Variants in SRBD1 observed in about 807,000 individuals in gnomAD.
The protein encoded by SRBD1 is S1 RNA binding domain 1.
SRBD1 carries 88 observed loss-of-function variants against 115.3 expected under a neutral mutation model. That is an observed-to-expected ratio of 0.76 (90% CI 0.64 to 0.91). SRBD1 has a LOEUF of 0.91. Ranked by LOEUF, SRBD1 falls within the 40% of genes least tolerant of loss-of-function variation. The pLI, the probability that SRBD1 is intolerant of heterozygous loss-of-function variation, is 0.00. For synonymous variants in SRBD1, 509 were observed against 407.7 expected (o/e 1.25, Z -2.99); for missense variants, 1,385 against 1,177.4 (o/e 1.18, Z -2.58).
intron 9 of SRBD1, among the ~76,000 whole-genome samples, chr2:45,567,238 T>C (rs969035222): frequency 5.3e-5 from 8 of 152,144 alleles, no homozygotes; most frequent in Non-Finnish European, 1.0e-4. Context: ...AAAAATTATA[T>C]AGGGGACTTT....
Position 45,585,676 on chromosome 2 carries a change from TC to T in SRBD1, c.746del (p.Arg249LysfsTer13). ...CATCAAGGTTATTAATGAGCTCTTT[TC>T]TATAACGTATAATGAAGGGAATTGT... ...DNTIPFIIRY[R>X]KELINNLDAD... is the part of the protein sequence containing the mutation. On this transcript the variant is annotated frameshift_variant, in exon 5 of 21. Coordinates refer to ENST00000263736, the MANE Select transcript of SRBD1 (RefSeq NM_018079.5). LOFTEE classifies it high-confidence loss of function. 6.2e-7 allele frequency: 1 copy of T among 1,612,792 alleles called. No homozygotes were observed. The highest frequency in any genetic ancestry group is 8.5e-7 in the Non-Finnish European group (1 of 1,179,674).
At chr2:45,467,695 T>A (rs1261774307) in intron 16 of SRBD1, among the ~76,000 whole-genome samples, 1 of 152,202 alleles carries the variant, frequency 6.6e-6, no homozygotes, top group Non-Finnish European at 1.5e-5. Flanking sequence ...CATTAGGGGC[T>A]TGAGAAAGAT....
intron 4 of SRBD1, among the ~76,000 whole-genome samples, chr2:45,586,997 ATTTAATTATTTTAAAT>A (rs1295694782): frequency 7.0e-5 from 4 of 57,220 alleles, no homozygotes; most frequent in African/African-American, 1.9e-4. Context: ...TATTTTAAAT[ATTTAATTATTTTAAAT>A]TATAAATATT....
At chr2:45,538,450 T>C (rs1671833017) in intron 14 of SRBD1, among the ~76,000 whole-genome samples, 1 of 152,206 alleles carries the variant, frequency 6.6e-6, no homozygotes, top group Admixed American at 6.5e-5. Context: ...TAAACTAACC[T>C]GCAAATCCCG....
chr2:45,415,697 A>G (rs188912978), intron 18 of SRBD1, among the ~76,000 whole-genome samples: 215 of 3,738 alleles, frequency 0.058, 21 homozygotes, highest in Admixed American at 0.1. Context: ...GGGAGAGGAG[A>G]GGAGAGGAGA....
chr2:45,473,647 A>G (rs1669717785), intron 16 of SRBD1, among the ~76,000 whole-genome samples: 1 of 152,142 alleles, frequency 6.6e-6, no homozygotes, highest in African/African-American at 2.4e-5. Flanking sequence ...ATCTTCTATC[A>G]TTTATTTTTT....
intron 4 of SRBD1, among the ~76,000 whole-genome samples, chr2:45,590,785 G>A (rs901122792): frequency 7.2e-5 from 11 of 152,172 alleles, no homozygotes; most frequent in Non-Finnish European, 2.9e-5. Flanking sequence ...GGGAGGCCGA[G>A]GCGTGCGGAT....
chr2:45,573,292 G>C lies in SRBD1; in HGVS notation c.1220C>G (p.Ser407Ter), dbSNP rs1260363015. Residue 407 changes from serine to a stop codon, truncating the protein, a stop_gained, in exon 9 of 21, where the codon TCA (serine) becomes TGA (stop). Transcript: ENST00000263736. LOFTEE classifies it high-confidence loss of function. ...AACATCTTTCTCATTTACCTTTTTTGAGGATACTTTTGCCAGAGATGACTG... is the reference window on the plus strand; with the variant it reads ...AACATCTTTCTCATTTACCTTTTTTCAGGATACTTTTGCCAGAGATGACTG... The part of the protein sequence containing the change: ...CIQSSLAKVS[S>*]KKVNEKDVDK... 22 of 1,612,078 alleles carry C rather than the reference G, an allele frequency of 1.4e-5. No individual in the cohort carries two copies. Among genetic ancestry groups the C allele is most frequent in the Non-Finnish European group, 1.9e-5 (22 of 1,179,252 alleles).
chr2:45,439,551 G>C (rs1383542841), intron 16 of SRBD1, among the ~76,000 whole-genome samples: 1 of 151,486 alleles, frequency 6.6e-6, no homozygotes, highest in Non-Finnish European at 1.5e-5. Flanking sequence ...AAAGTCAACA[G>C]AATTAAAATG....
chr2:45,418,175 A>G (rs1667887185), intron 18 of SRBD1, among the ~76,000 whole-genome samples, 190 bp downstream of exon 18: 1 of 152,184 alleles, frequency 6.6e-6, no homozygotes, highest in African/African-American at 2.4e-5. Flanking sequence ...ACTCCATGAG[A>G]ATCCGGAATT....
intron 14 of SRBD1, among the ~76,000 whole-genome samples, chr2:45,529,182 G>C (rs932386479): frequency 2.0e-5 from 3 of 151,830 alleles, no homozygotes; most frequent in Non-Finnish European, 2.9e-5. Context: ...GACAAAAAAG[G>C]ATTCTGTGCA....
In SRBD1 at chr2:45,441,448, T is replaced by C. The variant is rs115068392; in HGVS notation, c.2050-21554A>G. Reference sequence around the variant, plus strand: ...TAAATAAATATGATTTGTTATTGTATCCTGGTACATAGTACGTACTCACTC... The same window carrying C: ...TAAATAAATATGATTTGTTATTGTACCCTGGTACATAGTACGTACTCACTC... On this transcript the variant is annotated intron_variant, in intron 16 of 20. Coordinates refer to ENST00000263736, the MANE Select transcript of SRBD1 (RefSeq NM_018079.5). Among the ~76,000 whole-genome samples the C allele has an allele frequency of 5.6e-3, 853 of 152,368 alleles. 7 individuals are homozygous for C. The highest frequency in any genetic ancestry group is 0.019 in the African/African-American group (798 of 41,580).
At chr2:45,537,679 T>C (rs1671806789) in intron 14 of SRBD1, among the ~76,000 whole-genome samples, 1 of 152,128 alleles carries the variant, frequency 6.6e-6, no homozygotes, top group South Asian at 2.1e-4. Context: ...GGGAAGATGA[T>C]TGGGATGCTA....
At chr2:45,433,924 G>A (rs1390677031) in intron 16 of SRBD1, among the ~76,000 whole-genome samples, 1 of 152,156 alleles carries the variant, frequency 6.6e-6, no homozygotes, top group Non-Finnish European at 1.5e-5. Flanking sequence ...GTGCCTATAA[G>A]GCTCTGGGAT....
In SRBD1 at chr2:45,527,123, C is replaced by T. The variant is rs749816500; in HGVS notation, c.1874+19609G>A. On this transcript the variant is annotated intron_variant, in intron 14 of 20. Transcript: ENST00000263736. ...ATAGTCCTTATGGGAGTGCCTTATTCACAGAAGGTTCTTACATATAAATAT... is the reference window on the plus strand; with the variant it reads ...ATAGTCCTTATGGGAGTGCCTTATTTACAGAAGGTTCTTACATATAAATAT... Among the ~76,000 whole-genome samples the T allele has an allele frequency of 4.6e-5, 7 of 151,756 alleles. No homozygotes were observed. In the South Asian group the frequency reaches 1.5e-3, roughly 31 times the overall value.
Position 45,547,506 on chromosome 2 carries a change from T to G in SRBD1, c.1766+16A>C. 1 of 1,610,158 alleles carries G rather than the reference T, an allele frequency of 6.2e-7. No homozygotes were observed. Among genetic ancestry groups the G allele is most frequent in the Non-Finnish European group, 8.5e-7 (1 of 1,177,022 alleles). ...CTGAGCCACTGATATATTCAAAAGA[T>G]TACTTATTTTCATACTTGAAATTCA... On this transcript the variant is annotated intron_variant, in intron 13 of 20. Coordinates refer to ENST00000263736, the MANE Select transcript of SRBD1 (RefSeq NM_018079.5).
At chr2:45,515,448 A>G (rs1269870618) in intron 14 of SRBD1, among the ~76,000 whole-genome samples, 1 of 152,184 alleles carries the variant, frequency 6.6e-6, no homozygotes, top group Non-Finnish European at 1.5e-5. Context: ...AGTACAGCGT[A>G]GATATCTTAT....
Position 45,568,287 on chromosome 2 carries a change from A to G in SRBD1, c.1305+4920T>C, listed in dbSNP as rs1194228255. Among the ~76,000 whole-genome samples, 5 of 152,198 alleles carry G rather than the reference A, an allele frequency of 3.3e-5. No homozygotes were observed. In the East Asian group the frequency reaches 9.6e-4, roughly 29 times the overall value. On this transcript the variant is annotated intron_variant, in intron 9 of 20. Coordinates refer to ENST00000263736, the MANE Select transcript of SRBD1 (RefSeq NM_018079.5). ...AGCTATTAACGGCTATTCCCACAGT[A>G]CTTGGAGAGAGTTCCACAGTAATTT... is the stretch of plus-strand genomic sequence containing the variant.
At chr2:45,472,939 T>A (rs1312586665) in intron 16 of SRBD1, among the ~76,000 whole-genome samples, 1 of 145,058 alleles carries the variant, frequency 6.9e-6, no homozygotes, top group East Asian at 1.9e-4. Context: ...TTAATCCAAA[T>A]CTTTAATATC....
Sources: gnomAD v4.1 joint callset for allele counts (sites outside exome capture counted in the v4.1 genomes callset) on GRCh38, gnomAD v4.1.1 for gene constraint, MANE v1.5 for transcripts, NCBI Gene and HGNC (gene_info 2026-07-23, HGNC 2026-07-21) for gene names.